RYR1: variants seen among roughly 807,000 people sequenced by gnomAD.
The protein encoded by RYR1 is central core disease of muscle.
A neutral mutation model predicts 583.5 loss-of-function variants in RYR1; 342 were observed. That is an observed-to-expected ratio of 0.59 (90% CI 0.54 to 0.64). RYR1 has a LOEUF of 0.64. RYR1 is among the 30% of genes least tolerant of loss of function. The pLI is 0.00. For synonymous variants in RYR1, 2,791 were observed against 2,822.5 expected (o/e 0.99, Z 0.35); for missense variants, 6,032 against 6,917.2 (o/e 0.87, Z 4.54).
At chr19:38,545,950 A>G (rs538742927) in intron 87 of RYR1, among the ~76,000 whole-genome samples, 6 of 152,272 alleles carry the variant, frequency 3.9e-5, no homozygotes, top group Non-Finnish European at 7.4e-5. Context: ...CTGTGGCCCT[A>G]TGTTCCCCGC....
intron 9 of RYR1, among the ~76,000 whole-genome samples, chr19:38,447,987 C>T (rs1007983972): frequency 9.2e-5 from 14 of 151,716 alleles, no homozygotes; most frequent in African/African-American, 1.7e-4. Context: ...TCTGGAAAAA[C>T]GAGGGCACTG....
At chr19:38,503,101 C>T in intron 49 of RYR1, 131 bp downstream of exon 49, 5 of 849,360 alleles carry the variant, frequency 5.9e-6, no homozygotes, top group Non-Finnish European at 9.6e-6. Flanking sequence ...GGGCAGCGTC[C>T]CCGTAGAAAT....
Position 38,440,777 on chromosome 19 carries a change from C to G in RYR1, c.78C>G (p.Thr26=). The G allele has an allele frequency of 6.2e-7, 1 of 1,608,920 alleles. No homozygotes were observed. Among genetic ancestry groups the G allele is most frequent in the Non-Finnish European group, 8.5e-7 (1 of 1,178,782 alleles). The part of the protein sequence containing the change: ...DDEVVLQCSA[T]VLKEQLKLCL... ...AGGTGGTCCTGCAGTGCAGCGCTAC[C>G]GTGCTCAAGGAGCAGCTCAAGCTCT... Residue 26 remains threonine, a synonymous_variant, in exon 2 of 106, where the codon ACC becomes ACG. Transcript: ENST00000359596.
intron 50 of RYR1, 124 bp downstream of exon 50, chr19:38,504,484 T>A (rs1215867479): frequency 7.1e-6 from 9 of 1,274,672 alleles, no homozygotes; most frequent in Non-Finnish European, 9.7e-6. Context: ...CAAGTTTGGA[T>A]CTAGGAGGAT....
intron 38 of RYR1, 46 bp downstream of exon 38, chr19:38,492,682 G>A (rs760396757): frequency 1.9e-6 from 3 of 1,559,998 alleles, no homozygotes; most frequent in Non-Finnish European, 2.6e-6. Context: ...GGGGTGGGTA[G>A]CCCCATGCCT....
Position 38,506,845 on chromosome 19 carries a change from C to G in RYR1, c.8709C>G (p.Pro2903=), listed in dbSNP as rs372055058. 1.2e-6 allele frequency: 2 copies of G among 1,614,066 alleles called. No individual in the cohort carries two copies. Among genetic ancestry groups the G allele is most frequent in the South Asian group, 1.1e-5 (1 of 91,068 alleles). The change falls in exon 57 of 106, where the codon CCC becomes CCG. Residue 2903 remains proline (P), a synonymous_variant. Transcript: ENST00000359596. Reference sequence around the variant, plus strand: ...CCTCCCCAGGCGGTGGGACCCACCCCCTGCTGGTCCCCTACGACACGCTCA... The same window carrying G: ...CCTCCCCAGGCGGTGGGACCCACCCGCTGCTGGTCCCCTACGACACGCTCA... ...ELEAKGGGTH[P]LLVPYDTLTA... is the part of the protein sequence containing the mutation.
At chr19:38,472,224 T>C (rs1211319212) in intron 27 of RYR1, among the ~76,000 whole-genome samples, 1 of 152,038 alleles carries the variant, frequency 6.6e-6, no homozygotes, top group Non-Finnish European at 1.5e-5. Context: ...TCAGTCTCCT[T>C]AGTAGCTGGA....
Position 38,543,771 on chromosome 19 carries a change from G to C in RYR1, c.11908G>C (p.Gly3970Arg). The C allele has an allele frequency of 6.2e-7, 1 of 1,612,904 alleles. No individual in the cohort carries two copies. Among genetic ancestry groups the C allele is most frequent in the Non-Finnish European group, 8.5e-7 (1 of 1,180,008 alleles). Residue 3970 changes from glycine (G) to arginine (R), a missense_variant and splice_region_variant, in exon 87 of 106, where the codon GGT (glycine) becomes CGT (arginine). Gly to Arg is a moderately radical substitution (Grantham distance 125, BLOSUM62 -2). This residue lies in a region of RYR1 where 82 missense variants were observed against 139.7 expected (regional missense o/e 0.59). Transcript: ENST00000359596. The surrounding 1 kb of genome is among the most constrained non-coding windows in gnomAD (Gnocchi z 4.4). ...CCCCACACGGCACTCTGCCTCCCAG[G>C]GTCCCTGCACCGGGAACCAGCAGAG... ...VFNSLTEYIQ[G>R]PCTGNQQSLA...
rs766181329 is a variant in RYR1, at chr19:38,539,238, C to CTTT, written c.11689+1296_11689+1298dup. Among the ~76,000 whole-genome samples, 10 of 118,700 alleles carry CTTT rather than the reference C, an allele frequency of 8.4e-5. 1 individual carries two copies. The highest frequency in any genetic ancestry group is 1.3e-4 in the Non-Finnish European group (7 of 55,906). 77.9% of individuals were successfully genotyped at this position (118,700 alleles called of 152,430 possible). The stretch of plus-strand genomic sequence containing the variant: ...TTGTGCCATGGGACTAAGATTTTTT[C>CTTT]TTTTTTTTTTTTTTTTTTTTAGACA... On this transcript the variant is annotated intron_variant, in intron 84 of 105. Transcript: ENST00000359596.
At position 38,478,569 on chromosome 19, in the gene RYR1, C is replaced by G. The variant is rs963226554; in HGVS notation, c.4589C>G (p.Ala1530Gly). The G allele has an allele frequency of 6.2e-7, 1 of 1,613,394 alleles. No individual in the cohort carries two copies. The highest frequency in any genetic ancestry group is 1.3e-5 in the African/African-American group (1 of 74,918). ...GCCACTGGCTTAATGACCTTTACAG[C>G]CAATGGCAAAGAGAGCAACACCTTT... ...DLATGLMTFT[A>G]NGKESNTFFQ... is the part of the protein sequence containing the mutation. The change falls in exon 31 of 106, where the codon GCC (alanine) becomes GGC (glycine). Residue 1530 changes from alanine (A) to glycine (G), a missense_variant. By Grantham distance (60) the Ala-to-Gly change is moderately conservative. Transcript: ENST00000359596.
In RYR1 at chr19:38,504,447, G is replaced by T. The variant is rs557716447; in HGVS notation, c.8067+87G>T. 19 of 1,537,542 alleles carry T rather than the reference G, an allele frequency of 1.2e-5. 1 individual carries two copies. The South Asian group carries it at 2.0e-4, about 17-fold the overall frequency. ...GTCCAGAGTGAAATCCCTCAATTTT[G>T]GGGGGTTCAAGGAGGAGAAGGTTCT... On this transcript the variant is annotated intron_variant, in intron 50 of 105. Transcript: ENST00000359596.
intron 3 of RYR1, among the ~76,000 whole-genome samples, chr19:38,443,120 T>A (rs1239947758): frequency 2.6e-5 from 4 of 152,180 alleles, no homozygotes; most frequent in African/African-American, 7.2e-5. Flanking sequence ...GACATTCACC[T>A]ATGGAACAAC....
Position 38,566,980 on chromosome 19 carries a change from A to G in RYR1, c.13507A>G (p.Lys4503Glu). 2 of 1,595,336 alleles carry G rather than the reference A, an allele frequency of 1.3e-6. No homozygotes were observed. The highest frequency in any genetic ancestry group is 1.3e-5 in the African/African-American group (1 of 74,758). ...PEPEPELEPEKADAENGEKEE... is the reference protein window; with the variant it reads ...PEPEPELEPEEADAENGEKEE... The stretch of plus-strand genomic sequence containing the variant: ...GCCGGAACCAGAGCTGGAGCCGGAG[A>G]AAGCCGAGTGAGTGGCCTTGGGGCT... The change falls in exon 92 of 106, where the codon AAA (lysine) becomes GAA (glutamate). Residue 4503 changes from lysine to glutamate, a missense_variant. Coordinates refer to ENST00000359596, the MANE Select transcript of RYR1 (RefSeq NM_000540.3).
chr19:38,502,475 A>G, intron 47 of RYR1, 32 bp from the exon 48 acceptor site: 3 of 1,582,558 alleles, frequency 1.9e-6, no homozygotes, highest in Non-Finnish European at 2.6e-6. Context: ...AGGGGTGTGC[A>G]GCGGGCCTGA....
chr19:38,510,715 C>G lies in RYR1; in HGVS notation c.9056C>G (p.Ser3019Cys), dbSNP rs991093675. The G allele has an allele frequency of 4.3e-6, 7 of 1,614,028 alleles. No individual in the cohort carries two copies. Among genetic ancestry groups the G allele is most frequent in the Non-Finnish European group, 5.9e-6 (7 of 1,180,042 alleles). Residue 3019 changes from serine to cysteine, a missense_variant, in exon 60 of 106, where the codon TCC becomes TGC. Coordinates refer to ENST00000359596, the MANE Select transcript of RYR1 (RefSeq NM_000540.3). Reference protein sequence around the residue: ...YFTNHCLYFLSTPAKVLGSGG... With the variant: ...YFTNHCLYFLCTPAKVLGSGG... ...ACCAACCACTGCCTCTATTTCTTGT[C>G]CACTCCGGCTAAAGTGCTGGGCAGC... is the stretch of plus-strand genomic sequence containing the variant.
chr19:38,537,486 C>A (rs551120750), intron 83 of RYR1, among the ~76,000 whole-genome samples: 40 of 152,240 alleles, frequency 2.6e-4, no homozygotes, highest in African/African-American at 9.1e-4. Context: ...GTGAAGGTGA[C>A]CCAAACCCCC....
At position 38,458,618 on chromosome 19, in the gene RYR1, G is replaced by T. The variant is rs62118990; in HGVS notation, c.2167+326G>T. Reference sequence around the variant, plus strand: ...ATTTATTTATTTATTTATTTTGTTTGTTTGTTTGTTTGTTTGTTTATTTTG... The same window carrying T: ...ATTTATTTATTTATTTATTTTGTTTTTTTGTTTGTTTGTTTGTTTATTTTG... On this transcript the variant is annotated intron_variant, in intron 18 of 105. Transcript: ENST00000359596. Among the ~76,000 whole-genome samples, 91,031 of 147,472 alleles carry T rather than the reference G, an allele frequency of 0.62. 28,832 individuals are homozygous for T. The highest frequency in any genetic ancestry group is 0.7 in the Middle Eastern group (204 of 292).
At chr19:38,580,528 G>A in intron 101 of RYR1, 24 bp downstream of exon 101, 1 of 1,613,850 alleles carries the variant, frequency 6.2e-7, no homozygotes, top group Non-Finnish European at 8.5e-7. Context: ...CTAGCACTCT[G>A]GGACCCTTCC....
rs886054404 is a variant in RYR1 at position 38,565,136 on chromosome 19, G to A, written c.12802G>A (p.Ala4268Thr). 2.0e-6 allele frequency: 3 copies of A among 1,526,066 alleles called. No individual in the cohort carries two copies. In the African/African-American group the frequency reaches 4.1e-5, roughly 21 times the overall value. The allele number at this position is 1,526,066 out of a possible 1,614,324, so 94.5% of individuals were successfully genotyped here. Reference protein sequence around the residue: ...ETDEDEGAGAAEAGAEGAEEG... With the variant: ...ETDEDEGAGATEAGAEGAEEG... ...CGACGAGGACGAGGGCGCGGGCGCGGCGGAGGCGGGCGCGGAAGGCGCGGA... is the reference window on the plus strand; with the variant it reads ...CGACGAGGACGAGGGCGCGGGCGCGACGGAGGCGGGCGCGGAAGGCGCGGA... The change falls in exon 91 of 106, where the codon GCG (alanine) becomes ACG (threonine). Residue 4268 changes from alanine to threonine, a missense_variant. Ala to Thr is a moderately conservative substitution (Grantham distance 58). Around this residue, in one of 11 missense-constraint regions of RYR1, gnomAD observed 753 missense variants for 759.6 expected, o/e 0.99. Transcript: ENST00000359596. This position sits in a 1 kb window ranked among gnomAD's most constrained non-coding sequence, Gnocchi z 4.7.
Sources: allele counts gnomAD v4.1 joint callset (sites outside exome capture counted in the v4.1 genomes callset), GRCh38; gene constraint gnomAD v4.1.1; regional missense constraint gnomAD v4.1.1; non-coding constraint Gnocchi (gnomAD v3.1); transcripts MANE v1.5; gene names NCBI Gene and HGNC (gene_info 2026-07-23, HGNC 2026-07-21).